PRUNE2: variants seen among roughly 807,000 people sequenced by gnomAD.
The protein encoded by PRUNE2 is protein prune homolog 2.
PRUNE2 carries 164 observed loss-of-function variants against 252.0 expected under a neutral mutation model. The observed-to-expected ratio is 0.65, with a 90% confidence interval of 0.57 to 0.74. PRUNE2 has a LOEUF of 0.74. PRUNE2 is among the 30% of genes least tolerant of loss of function. PRUNE2 has a pLI of 0.00. For synonymous variants in PRUNE2, 1,292 were observed against 1,350.2 expected, an observed-to-expected ratio of 0.96 and a Z score of 0.94; for missense variants, 3,495 against 3,711.0, an observed-to-expected ratio of 0.94 and a Z score of 1.51.
At chr9:76,857,960 C>A (rs1013602712) in intron 1 of PRUNE2, among the ~76,000 whole-genome samples, 1 of 152,162 alleles carries the variant, frequency 6.6e-6, no homozygotes, top group African/African-American at 2.4e-5. Flanking sequence ...GGTCTGTAGG[C>A]CCCTTCCTAT....
chr9:76,630,938 G>A (rs1254099298), intron 15 of PRUNE2, among the ~76,000 whole-genome samples: 2 of 152,228 alleles, frequency 1.3e-5, no homozygotes, highest in Admixed American at 6.5e-5. Flanking sequence ...CTGGGATCTT[G>A]CTGAGCTGTC....
intron 4 of PRUNE2, among the ~76,000 whole-genome samples, chr9:76,840,469 G>A (rs544878849): frequency 6.6e-6 from 1 of 152,210 alleles, no homozygotes; most frequent in South Asian, 2.1e-4. Flanking sequence ...AATTGATGAA[G>A]TACTTAGCTC....
At chr9:76,683,949 A>T (rs1588565022) in intron 9 of PRUNE2, among the ~76,000 whole-genome samples, 1 of 150,714 alleles carries the variant, frequency 6.6e-6, no homozygotes, top group Non-Finnish European at 1.5e-5. Flanking sequence ...TGTACATATT[A>T]TATATATATA....
At chr9:76,720,297 A>G (rs560936454) in intron 6 of PRUNE2, among the ~76,000 whole-genome samples, 7 of 151,916 alleles carry the variant, frequency 4.6e-5, no homozygotes, top group African/African-American at 1.2e-4. Context: ...GATATTTATT[A>G]AAGTTGTCAT....
chr9:76,631,568 T>C (rs1244160299), intron 15 of PRUNE2, among the ~76,000 whole-genome samples: 2 of 152,234 alleles, frequency 1.3e-5, no homozygotes, highest in Non-Finnish European at 1.5e-5. Flanking sequence ...TTATTGTAAC[T>C]GTTCACTTGT....
At chr9:76,856,582 G>C (rs1564449240) in intron 1 of PRUNE2, 2 of 152,818 alleles carry the variant, frequency 1.3e-5, no homozygotes, top group East Asian at 3.9e-4. Context: ...CAGGAACCCT[G>C]TAAGATAATT....
chr9:76,674,468 G>C (rs549321923), intron 9 of PRUNE2, among the ~76,000 whole-genome samples: 1 of 152,054 alleles, frequency 6.6e-6, no homozygotes, highest in Non-Finnish European at 1.5e-5. Context: ...AATCAATATC[G>C]TGAAAATGGC....
intron 6 of PRUNE2, among the ~76,000 whole-genome samples, chr9:76,750,508 T>G (rs781702497): frequency 1.3e-5 from 2 of 152,228 alleles, no homozygotes; most frequent in Non-Finnish European, 2.9e-5. Flanking sequence ...TTCCTATGCA[T>G]AGTCAATATC....
At chr9:76,755,544 G>A (rs187767506) in intron 6 of PRUNE2, among the ~76,000 whole-genome samples, 8 of 152,196 alleles carry the variant, frequency 5.3e-5, no homozygotes, top group Non-Finnish European at 8.8e-5. Context: ...GGGAGGAGAG[G>A]GCAGGAATCT....
At chr9:76,799,175 T>C (rs2056357325) in intron 6 of PRUNE2, among the ~76,000 whole-genome samples, 2 of 152,130 alleles carry the variant, frequency 1.3e-5, no homozygotes, top group Admixed American at 1.3e-4. Flanking sequence ...ATCCCATCTC[T>C]ACTAAAAATA....
Position 76,901,633 on chromosome 9 carries a change from C to A in PRUNE2, c.36+4295G>T, listed in dbSNP as rs1377364694. ...CTGCCGTCTTTCTTTCTTTTTAAAA[C>A]CCCATCTCCTGTAATCACTCTAATG... On this transcript the variant is annotated intron_variant, in intron 1 of 18. Transcript: ENST00000376718. Among the ~76,000 whole-genome samples, 3 of 152,308 alleles carry A rather than the reference C, an allele frequency of 2.0e-5. No homozygotes were observed. The East Asian group carries it at 5.8e-4, about 29-fold the overall frequency.
intron 6 of PRUNE2, chr9:76,786,593 A>G (rs2055009181): frequency 6.6e-6 from 1 of 152,060 alleles, no homozygotes; most frequent in Admixed American, 6.5e-5. Context: ...TCGCTTACCA[A>G]TCCTCTCTCT....
chr9:76,638,827 T>A (rs1240637202), intron 12 of PRUNE2, among the ~76,000 whole-genome samples: 2 of 152,186 alleles, frequency 1.3e-5, no homozygotes, highest in African/African-American at 2.4e-5. Context: ...CAAATACTAG[T>A]GAGTAGACAA....
intron 6 of PRUNE2, among the ~76,000 whole-genome samples, chr9:76,746,622 G>A (rs998169399): frequency 4.7e-5 from 7 of 147,436 alleles, no homozygotes; most frequent in East Asian, 2.1e-4. Context: ...GGAGAATGGC[G>A]TGAACCCGGG....
intron 4 of PRUNE2, 139 bp downstream of exon 4, chr9:76,846,376 C>T: frequency 1.6e-6 from 1 of 621,986 alleles, no homozygotes; most frequent in Admixed American, 2.9e-5. Context: ...ACTCTTTACT[C>T]CCTGCCTCTC....
At chr9:76,720,615 T>G (rs1223485186) in intron 6 of PRUNE2, among the ~76,000 whole-genome samples, 1 of 150,576 alleles carries the variant, frequency 6.6e-6, no homozygotes, top group Non-Finnish European at 1.5e-5. Flanking sequence ...TATTATTATT[T>G]TTTAGGTTAT....
At chr9:76,682,727 G>A (rs1302909089) in intron 9 of PRUNE2, among the ~76,000 whole-genome samples, 1 of 152,100 alleles carries the variant, frequency 6.6e-6, no homozygotes, top group African/African-American at 2.4e-5. Context: ...ATTTTGGGGA[G>A]TACATGTGAT....
At chr9:76,717,940 G>A (rs116461454) in intron 6 of PRUNE2, among the ~76,000 whole-genome samples, 3,490 of 152,256 alleles carry the variant, frequency 0.023, 122 homozygotes, top group African/African-American at 0.076. Context: ...GAATGAGTGG[G>A]AAAGCCTGGA....
At chr9:76,775,403 C>T (rs548768145) in intron 6 of PRUNE2, among the ~76,000 whole-genome samples, 1 of 152,162 alleles carries the variant, frequency 6.6e-6, no homozygotes, top group South Asian at 2.1e-4. Flanking sequence ...CTCAAGCGAT[C>T]CTCTCACCTT....
Sources: gnomAD v4.1 joint callset for allele counts (sites outside exome capture counted in the v4.1 genomes callset) on GRCh38, gnomAD v4.1.1 for gene constraint, MANE v1.5 for transcripts, NCBI Gene and HGNC (gene_info 2026-07-23, HGNC 2026-07-21) for gene names.